RBFOX3: variants seen among roughly 807,000 people sequenced by gnomAD.
RBFOX3 encodes RNA binding fox-1 homolog 3, also known as RNA binding protein fox-1 homolog 3.
A neutral mutation model predicts 48.7 loss-of-function variants in RBFOX3; 17 were observed. The ratio of observed to expected loss-of-function variants is 0.35; its 90% CI spans 0.24 to 0.52. RBFOX3 has a LOEUF of 0.52. Ranked by LOEUF, RBFOX3 falls within the 20% of genes least tolerant of loss-of-function variation. RBFOX3 has a pLI of 0.94. For synonymous variants in RBFOX3, 212 were observed against 209.5 expected (o/e 1.01, Z -0.10); for missense variants, 382 against 497.5 (o/e 0.77, Z 2.21).
At position 79,392,181 on chromosome 17, in the gene RBFOX3, C is replaced by G. The variant is rs992976691; in HGVS notation, c.-174-84357G>C. Among the ~76,000 whole-genome samples the G allele has an allele frequency of 3.9e-5, 6 of 152,126 alleles. No individual in the cohort carries two copies. The highest frequency in any genetic ancestry group is 1.4e-4 in the African/African-American group (6 of 41,422). ...ATCACAGAGCTAACAGTAAAGAAAA[C>G]TGGGGCAGCCTCCTCACCCCCGTCT... On this transcript the variant is annotated intron_variant, in intron 2 of 14. Coordinates refer to ENST00000693108, the MANE Select transcript of RBFOX3 (RefSeq NM_001350451.2). The surrounding 1 kb of genome is among the most constrained non-coding windows in gnomAD (Gnocchi z 5.0).
chr17:79,275,005 A>T (rs1396304014), intron 3 of RBFOX3, among the ~76,000 whole-genome samples: 1 of 49,354 alleles, frequency 2.0e-5, no homozygotes, highest in Non-Finnish European at 3.7e-5. Context: ...TCCATCATCC[A>T]CCAGCCCCAG....
At chr17:79,355,632 G>GT (rs1298178042) in intron 2 of RBFOX3, among the ~76,000 whole-genome samples, 4 of 152,078 alleles carry the variant, frequency 2.6e-5, no homozygotes, top group Middle Eastern at 3.4e-3. Context: ...CCAGGCTGGA[G>GT]TACAGTGGTT....
intron 1 of RBFOX3, among the ~76,000 whole-genome samples, chr17:79,501,021 G>A (rs914952110): frequency 6.6e-6 from 1 of 152,350 alleles, no homozygotes; most frequent in South Asian, 2.1e-4. Context: ...GGGCTTCCGT[G>A]AAGGGTGCGG....
chr17:79,458,320 C>G (rs2074867563), intron 2 of RBFOX3, among the ~76,000 whole-genome samples: 1 of 152,172 alleles, frequency 6.6e-6, no homozygotes, highest in South Asian at 2.1e-4. Context: ...TGTACAGGTG[C>G]CTCGCACCCT....
intron 4 of RBFOX3, among the ~76,000 whole-genome samples, chr17:79,125,512 G>A (rs899697005): frequency 2.0e-5 from 3 of 152,228 alleles, no homozygotes; most frequent in Non-Finnish European, 4.4e-5. Flanking sequence ...TGCCTGGTAA[G>A]GTCCCCCAGC....
the RBFOX3 span, among the ~76,000 whole-genome samples, chr17:79,653,212 G>A: frequency 4.6e-5 from 7 of 152,292 alleles, no homozygotes; most frequent in East Asian, 5.8e-4. Context: ...GAACATGCAC[G>A]TCGGCACAGG....
At chr17:79,176,990 GTCCCGGTCTGGGTCGGAA>G (rs2050698596) in intron 4 of RBFOX3, among the ~76,000 whole-genome samples, 1 of 152,196 alleles carries the variant, frequency 6.6e-6, no homozygotes, top group South Asian at 2.1e-4. Flanking sequence ...CCCAGCTGCT[GTCCCGGTCTGGGTCGGAA>G]TCCACTGGCC....
chr17:79,111,826 A>C lies in RBFOX3; in HGVS notation c.222+3668T>G, dbSNP rs1269149447. Among the ~76,000 whole-genome samples, 1 of 152,258 alleles carries C rather than the reference A, an allele frequency of 6.6e-6. No homozygotes were observed. Among genetic ancestry groups the C allele is most frequent in the Non-Finnish European group, 1.5e-5 (1 of 68,046 alleles). On this transcript the variant is annotated intron_variant, in intron 5 of 14. Transcript: ENST00000693108. This position sits in a 1 kb window ranked among gnomAD's most constrained non-coding sequence, Gnocchi z 4.2. Reference sequence around the variant, plus strand: ...CCCCGAGTGAGTGAATACATGCTCCAGATGGTGACCCCTGCTGGGGAACAC... The same window carrying C: ...CCCCGAGTGAGTGAATACATGCTCCCGATGGTGACCCCTGCTGGGGAACAC...
intron 1 of RBFOX3, among the ~76,000 whole-genome samples, chr17:79,499,135 C>T (rs2082040734): frequency 6.6e-6 from 1 of 150,816 alleles, no homozygotes; most frequent in East Asian, 1.9e-4. Context: ...CATCCACCCA[C>T]CCATCCATTC....
chr17:79,424,993 T>C (rs2067105614), intron 2 of RBFOX3, among the ~76,000 whole-genome samples: 2 of 152,174 alleles, frequency 1.3e-5, no homozygotes, highest in Non-Finnish European at 2.9e-5. Flanking sequence ...GATGGCTTGC[T>C]GTTTAACATG....
At chr17:79,131,773 G>C (rs1355501876) in intron 4 of RBFOX3, among the ~76,000 whole-genome samples, 3 of 152,146 alleles carry the variant, frequency 2.0e-5, no homozygotes, top group Non-Finnish European at 2.9e-5. Context: ...GTGATGCCAG[G>C]GGCCTCCCTG....
At chr17:79,369,662 G>T (rs2058261156) in intron 2 of RBFOX3, among the ~76,000 whole-genome samples, 2 of 152,076 alleles carry the variant, frequency 1.3e-5, no homozygotes, top group Admixed American at 1.3e-4. Context: ...GGCCTTGGGA[G>T]CCCACGTGTG....
intron 4 of RBFOX3, among the ~76,000 whole-genome samples, chr17:79,162,379 G>T (rs575680990): frequency 1.3e-5 from 2 of 152,136 alleles, no homozygotes; most frequent in African/African-American, 4.8e-5. Context: ...CCCCCAGCCC[G>T]GTGAGTGGAG....
intron 2 of RBFOX3, among the ~76,000 whole-genome samples, chr17:79,321,655 T>C (rs2078537247): frequency 1.3e-5 from 2 of 150,520 alleles, no homozygotes; most frequent in African/African-American, 4.9e-5. Flanking sequence ...AGGTGCACAG[T>C]ACAGGATGCC....
chr17:79,186,268 C>T (rs1181773499), intron 4 of RBFOX3, among the ~76,000 whole-genome samples: 1 of 152,234 alleles, frequency 6.6e-6, no homozygotes, highest in Non-Finnish European at 1.5e-5. Context: ...GAAAATAATA[C>T]CTCCAGAAAA....
At chr17:79,550,040 T>C (rs56255733) in intron 1 of RBFOX3, among the ~76,000 whole-genome samples, 21 of 152,236 alleles carry the variant, frequency 1.4e-4, no homozygotes, top group Non-Finnish European at 1.9e-4. Context: ...CCTGAGTCAA[T>C]TGCTCCCTGT....
intron 4 of RBFOX3, among the ~76,000 whole-genome samples, chr17:79,194,975 G>A (rs2055288011): frequency 1.3e-5 from 2 of 152,090 alleles, no homozygotes; most frequent in African/African-American, 4.8e-5. Flanking sequence ...TGTGTGGCCT[G>A]CATTATGCTT....
intron 4 of RBFOX3, among the ~76,000 whole-genome samples, chr17:79,122,560 T>C (rs1253739407): frequency 2.0e-5 from 3 of 152,168 alleles, no homozygotes; most frequent in African/African-American, 7.2e-5. Context: ...CAATAACAAA[T>C]ACTGGCGAGG....
chr17:79,436,661 T>C (rs1032789483), intron 2 of RBFOX3, among the ~76,000 whole-genome samples: 1 of 152,120 alleles, frequency 6.6e-6, no homozygotes, highest in Non-Finnish European at 1.5e-5. Context: ...AGCTCCTGCC[T>C]AAGCCCTGGA....
Sources: allele counts gnomAD v4.1 joint callset (sites outside exome capture counted in the v4.1 genomes callset), GRCh38; gene constraint gnomAD v4.1.1; non-coding constraint Gnocchi (gnomAD v3.1); transcripts MANE v1.5; gene names NCBI Gene and HGNC (gene_info 2026-07-23, HGNC 2026-07-21).